BCAN: variants seen among roughly 807,000 people sequenced by gnomAD.
The protein encoded by BCAN is brevican, also known as brevican core protein.
Under a neutral mutation model 92.4 loss-of-function variants are expected in BCAN, and 51 were observed. The ratio of observed to expected loss-of-function variants is 0.55; its 90% confidence interval spans 0.44 to 0.70. BCAN has a LOEUF of 0.70. Ranked by LOEUF, BCAN falls within the 30% of genes least tolerant of loss-of-function variation. The pLI is 0.00. For synonymous variants in BCAN, 501 were observed against 505.2 expected, an observed-to-expected ratio of 0.99 and a Z score of 0.11; for missense variants, 1,140 against 1,212.1, an observed-to-expected ratio of 0.94 and a Z score of 0.88.
At position 156,658,652 on chromosome 1, in the gene BCAN, C is replaced by T; in HGVS notation, c.2547C>T (p.Ala849=). The T allele has an allele frequency of 6.2e-7, 1 of 1,614,152 alleles. No individual in the cohort carries two copies. Among genetic ancestry groups the T allele is most frequent in the Non-Finnish European group, 8.5e-7 (1 of 1,180,050 alleles). The change falls in exon 13 of 14, where the codon GCC becomes GCT. Residue 849 remains alanine (A), a synonymous_variant. Transcript: ENST00000329117. The surrounding 1 kb of genome is among the most constrained non-coding windows in gnomAD (Gnocchi z 4.4). ...VLRYRCREGL[A]QRNLPLIRCQ... is the part of the protein sequence containing the mutation. ...GCTACCGGTGCCGGGAAGGACTGGCCCAGCGCAATCTGCCGCTGATCCGAT... is the reference window on the plus strand; with the variant it reads ...GCTACCGGTGCCGGGAAGGACTGGCTCAGCGCAATCTGCCGCTGATCCGAT...
chr1:156,646,873 T>C lies in BCAN; in HGVS notation c.164T>C (p.Ile55Thr). 6.2e-7 allele frequency: 1 copy of C among 1,609,984 alleles called. No individual in the cohort carries two copies. Among genetic ancestry groups the C allele is most frequent in the Non-Finnish European group, 8.5e-7 (1 of 1,178,316 alleles). The change falls in exon 3 of 14, where the codon ATC (isoleucine) becomes ACC (threonine). Residue 55 changes from isoleucine to threonine, a missense_variant. Physicochemically the swap from Ile to Thr is moderately conservative, Grantham distance 89. Transcript: ENST00000329117. The stretch of plus-strand genomic sequence containing the variant: ...GGCGTGCTCGGCGGCGCCCTCACCA[T>C]CCCTTGCCACGTCCACTACCTGCGG... ...LQGVLGGALT[I>T]PCHVHYLRPP...
At chr1:156,644,090 CG>C (rs1265197015) in intron 1 of BCAN, 1 of 152,162 alleles carries the variant, frequency 6.6e-6, no homozygotes, top group Non-Finnish European at 1.5e-5. Context: ...CAGAACTGCA[CG>C]GGGCTACCCT....
Position 156,656,341 on chromosome 1 carries a change from G to A in BCAN, c.2002G>A (p.Val668Ile), listed in dbSNP as rs777357775. ...GGTCLEEEEG[V>I]RCLCLPGYGG... ...GACATGCTTGGAGGAGGAGGAAGGGGTCCGCTGCCTATGTCTGCCTGGCTA... is the reference window on the plus strand; with the variant it reads ...GACATGCTTGGAGGAGGAGGAAGGGATCCGCTGCCTATGTCTGCCTGGCTA... The change falls in exon 9 of 14, where the codon GTC becomes ATC. Residue 668 changes from valine to isoleucine, a missense_variant. Coordinates refer to ENST00000329117, the MANE Select transcript of BCAN (RefSeq NM_021948.5). 128 of 1,422,844 alleles carry A rather than the reference G, an allele frequency of 9.0e-5. No individual in the cohort carries two copies. The highest frequency in any genetic ancestry group is 1.1e-4 in the Non-Finnish European group (118 of 1,093,106). The allele number at this position is 1,422,844 out of a possible 1,614,324, so 88.1% of individuals were successfully genotyped here.
intron 8 of BCAN, chr1:156,653,172 T>C: frequency 1.4e-6 from 2 of 1,382,336 alleles, no homozygotes. Flanking sequence ...GTGGCTCACA[T>C]CTCGCCAGCC....
rs1678802323 is a variant in BCAN, at chr1:156,642,185, CA to C, written c.-98del. The C allele has an allele frequency of 6.6e-6, 1 of 152,332 alleles. No homozygotes were observed. Among genetic ancestry groups the C allele is most frequent in the South Asian group, 2.1e-4 (1 of 4,842 alleles). The allele number at this position is 152,332 out of a possible 1,614,324, so 9.4% of individuals were successfully genotyped here. ...GCAGTCTCCGCCGCAGTCTCAGCTG[CA>C]GCTGCAGGACTGAGCCGTGCACCCG... On this transcript the variant is annotated 5_prime_UTR_variant, in exon 1 of 14. The change abolishes the stop of an existing upstream ORF in the 5' untranslated region. Transcript: ENST00000329117. This position sits in a 1 kb window ranked among gnomAD's most constrained non-coding sequence, Gnocchi z 4.2.
chr1:156,657,373 C>T (rs1679371202), intron 10 of BCAN: 1 of 559,418 alleles, frequency 1.8e-6, no homozygotes, highest in Non-Finnish European at 3.1e-6. Context: ...TCCCTCCAAC[C>T]TCCCTGCTCT....
chr1:156,646,726 C>A, intron 2 of BCAN, 75 bp from the exon 3 acceptor site: 2 of 1,498,394 alleles, frequency 1.3e-6, no homozygotes, highest in Non-Finnish European at 1.8e-6. Flanking sequence ...GATCCTGGAG[C>A]GGGGCTTGGA....
rs964022030 is a variant in BCAN, at chr1:156,653,350, G to A, written c.1942+458G>A. The A allele has an allele frequency of 2.8e-5, 29 of 1,037,152 alleles. No individual in the cohort carries two copies. The East Asian group carries it at 6.4e-4, about 23-fold the overall frequency. 64.2% of individuals were successfully genotyped at this position (1,037,152 alleles called of 1,614,324 possible). On this transcript the variant is annotated intron_variant, in intron 8 of 13. Coordinates refer to ENST00000329117, the MANE Select transcript of BCAN (RefSeq NM_021948.5). ...AGTCCCTTCTCACCCCTCAACCTCC[G>A]GAGTCCAGGAGAACCCGTACCCCCA...
Position 156,658,429 on chromosome 1 carries a change from G to T in BCAN, c.2438-114G>T. ...GCTAACAAGTTACGTGGGTCCACTCGGAATCCCTGATCTTTTTTTGTCATG... is the reference window on the plus strand; with the variant it reads ...GCTAACAAGTTACGTGGGTCCACTCTGAATCCCTGATCTTTTTTTGTCATG... On this transcript the variant is annotated intron_variant, in intron 12 of 13. Transcript: ENST00000329117. This position sits in a 1 kb window ranked among gnomAD's most constrained non-coding sequence, Gnocchi z 4.4. The T allele has an allele frequency of 6.8e-7, 1 of 1,469,032 alleles. No homozygotes were observed. The highest frequency in any genetic ancestry group is 9.2e-7 in the Non-Finnish European group (1 of 1,092,362). 91.0% of individuals were successfully genotyped at this position (1,469,032 alleles called of 1,614,324 possible).
At chr1:156,651,714 G>A in intron 7 of BCAN, 25 bp downstream of exon 7, 1 of 1,566,984 alleles carries the variant, frequency 6.4e-7, no homozygotes, top group Non-Finnish European at 8.6e-7. Context: ...TTATCCTAAG[G>A]ATGTCTTGAT....
At position 156,648,615 on chromosome 1, in the gene BCAN, G is replaced by A; in HGVS notation, c.817G>A (p.Ala273Thr). 1.2e-6 allele frequency: 2 copies of A among 1,607,374 alleles called. No individual in the cohort carries two copies. Among genetic ancestry groups the A allele is most frequent in the Non-Finnish European group, 1.7e-6 (2 of 1,174,436 alleles). Residue 273 changes from alanine (A) to threonine (T), a missense_variant, in exon 6 of 14, where the codon GCA (alanine) becomes ACA (threonine). Ala to Thr is a moderately conservative substitution (Grantham distance 58, BLOSUM62 0). Around this residue, in one of 3 missense-constraint regions of BCAN, gnomAD observed 825 missense variants for 871.8 expected, o/e 0.95. Coordinates refer to ENST00000329117, the MANE Select transcript of BCAN (RefSeq NM_021948.5). The part of the protein sequence containing the change: ...DPPEKLTLEE[A>T]RAYCQERGAE... Reference sequence around the variant, plus strand: ...TCCAGAGAAGCTGACATTGGAGGAAGCACGGGCGTACTGCCAGGAGCGGGG... The same window carrying A: ...TCCAGAGAAGCTGACATTGGAGGAAACACGGGCGTACTGCCAGGAGCGGGG...
rs775119792 is a variant in BCAN at position 156,652,717 on chromosome 1, G to A, written c.1767G>A (p.Glu589=). 1.2e-6 allele frequency: 2 copies of A among 1,604,878 alleles called. No homozygotes were observed. The highest frequency in any genetic ancestry group is 1.7e-6 in the Non-Finnish European group (2 of 1,174,000). Residue 589 remains glutamate, a synonymous_variant, in exon 8 of 14, where the codon GAG becomes GAA. Coordinates refer to ENST00000329117, the MANE Select transcript of BCAN (RefSeq NM_021948.5). ...RGESEETGSS[E]GAPSLLPATR... ...AGAGCGAGGAGACAGGAAGCTCCGAGGGTGCCCCTTCCCTGCTTCCAGCCA... is the reference window on the plus strand; with the variant it reads ...AGAGCGAGGAGACAGGAAGCTCCGAAGGTGCCCCTTCCCTGCTTCCAGCCA...
chr1:156,656,215 C>G, intron 8 of BCAN, 67 bp from the exon 9 acceptor site: 1 of 1,195,008 alleles, frequency 8.4e-7, no homozygotes, highest in East Asian at 2.8e-5. Flanking sequence ...GCACCCTCTC[C>G]TGGAGGGCTC....
chr1:156,646,645 G>T, intron 2 of BCAN, 156 bp from the exon 3 acceptor site: 1 of 1,234,172 alleles, frequency 8.1e-7, no homozygotes, highest in Non-Finnish European at 1.1e-6. Flanking sequence ...AGGTAGGGCT[G>T]CAGGACCCTG....
In BCAN at chr1:156,659,297, G is replaced by A. The variant is rs1029069583; in HGVS notation, c.*163G>A. The stretch of plus-strand genomic sequence containing the variant: ...GGGGCTTCTGGGAAATACCTAGGAG[G>A]CTCCAGCCCAGCCCAGGCCCTCTCC... On this transcript the variant is annotated 3_prime_UTR_variant, in exon 14 of 14. Coordinates refer to ENST00000329117, the MANE Select transcript of BCAN (RefSeq NM_021948.5). The A allele has an allele frequency of 1.7e-5, 10 of 602,902 alleles. No individual in the cohort carries two copies. Among genetic ancestry groups the A allele is most frequent in the Non-Finnish European group, 2.8e-5 (10 of 351,978 alleles). The allele number at this position is 602,902 out of a possible 1,614,324, so 37.3% of individuals were successfully genotyped here.
chr1:156,642,503 C>A lies in BCAN; in HGVS notation c.-9+228C>A, dbSNP rs1678821470. The A allele has an allele frequency of 6.6e-6, 1 of 152,348 alleles. No homozygotes were observed. The highest frequency in any genetic ancestry group is 1.5e-5 in the Non-Finnish European group (1 of 68,116). The allele number at this position is 152,348 out of a possible 1,614,324, so 9.4% of individuals were successfully genotyped here. A position where few individuals can be genotyped will look rare whatever the true frequency, so the allele number is the denominator to read the frequency against. On this transcript the variant is annotated intron_variant, in intron 1 of 13. Coordinates refer to ENST00000329117, the MANE Select transcript of BCAN (RefSeq NM_021948.5). The surrounding 1 kb of genome is among the most constrained non-coding windows in gnomAD (Gnocchi z 4.2). ...TGCTTCCAGCTCTGCCAGTGGCAGCCCCCCTGCTGCTCGCAGTCTGATCAG... is the reference window on the plus strand; with the variant it reads ...TGCTTCCAGCTCTGCCAGTGGCAGCACCCCTGCTGCTCGCAGTCTGATCAG...
rs748428307 is a variant in BCAN at position 156,659,161 on chromosome 1, C to G, written c.*27C>G. On this transcript the variant is annotated 3_prime_UTR_variant, in exon 14 of 14. Transcript: ENST00000329117. ...GGGCAAGGCCTTGAACACTGCCGGCCACAGCACTGCCCTGTCACCCAAATT... is the reference window on the plus strand; with the variant it reads ...GGGCAAGGCCTTGAACACTGCCGGCGACAGCACTGCCCTGTCACCCAAATT... The G allele has an allele frequency of 6.6e-7, 1 of 1,516,664 alleles. No individual in the cohort carries two copies. The highest frequency in any genetic ancestry group is 1.2e-5 in the South Asian group (1 of 82,060). 94.0% of individuals were successfully genotyped at this position (1,516,664 alleles called of 1,614,324 possible).
intron 8 of BCAN, among the ~76,000 whole-genome samples, chr1:156,654,552 CAAG>C (rs1006485084): frequency 5.9e-5 from 9 of 152,188 alleles, no homozygotes. Context: ...GGGAAAATGA[CAAG>C]AAGAAGAGTT....
Position 156,657,709 on chromosome 1 carries a change from C to T in BCAN, c.2244C>T (p.Asn748=), listed in dbSNP as rs1679383377. Residue 748 remains asparagine, a synonymous_variant, in exon 11 of 14, where the codon AAC becomes AAT. Coordinates refer to ENST00000329117, the MANE Select transcript of BCAN (RefSeq NM_021948.5). ...GGGAGTACCAGTGGATCGGACTCAA[C>T]GACAGGACCATCGAAGGCGACTTCT... is the stretch of plus-strand genomic sequence containing the variant. ...RYREYQWIGL[N]DRTIEGDFLW... is the part of the protein sequence containing the mutation. The T allele has an allele frequency of 6.2e-7, 1 of 1,612,542 alleles. No individual in the cohort carries two copies. The highest frequency in any genetic ancestry group is 8.5e-7 in the Non-Finnish European group (1 of 1,179,418).
Sources: gnomAD v4.1 joint callset for allele counts (sites outside exome capture counted in the v4.1 genomes callset) on GRCh38, gnomAD v4.1.1 for gene constraint, gnomAD v4.1.1 regional missense constraint, Gnocchi (gnomAD v3.1) non-coding constraint, MANE v1.5 for transcripts, NCBI Gene and HGNC (gene_info 2026-07-23, HGNC 2026-07-21) for gene names.